RHOBTB1: variants seen among roughly 807,000 people sequenced by gnomAD.
RHOBTB1 encodes the protein rho-related BTB domain-containing protein 1.
A neutral mutation model predicts 71.6 loss-of-function variants in RHOBTB1; 40 were observed. The ratio of observed to expected loss-of-function variants is 0.56; its 90% CI spans 0.43 to 0.73. RHOBTB1 has a LOEUF of 0.73. Among genes scored for constraint, RHOBTB1 ranks in the 30% least tolerant of loss-of-function variants. RHOBTB1 has a pLI of 0.00. For missense variants in RHOBTB1, 797 were observed against 894.0 expected, an observed-to-expected ratio of 0.89 and a Z score of 1.38; for synonymous variants, 319 against 334.9, an observed-to-expected ratio of 0.95 and a Z score of 0.52.
At chr10:60,874,314 T>G (rs1048357574) in intron 9 of RHOBTB1, among the ~76,000 whole-genome samples, 2 of 152,236 alleles carry the variant, frequency 1.3e-5, no homozygotes, top group African/African-American at 4.8e-5. Context: ...GTGCTCGCTC[T>G]TGAACATTCT....
At chr10:60,985,430 G>A (rs1382260039) in intron 2 of RHOBTB1, among the ~76,000 whole-genome samples, 2 of 152,110 alleles carry the variant, frequency 1.3e-5, no homozygotes, top group African/African-American at 2.4e-5. Flanking sequence ...AAGGCATCTG[G>A]GAAAAAGAGA....
At chr10:60,949,075 A>G (rs988308103), upstream of RHOBTB1, among the ~76,000 whole-genome samples, 4 of 152,162 alleles carry the variant, frequency 2.6e-5, no homozygotes, top group African/African-American at 9.7e-5. Flanking sequence ...GACTGTTCTG[A>G]GGCTCTTCAT....
intron 2 of RHOBTB1, among the ~76,000 whole-genome samples, chr10:60,980,543 T>C (rs961814110): frequency 2.6e-5 from 4 of 151,760 alleles, no homozygotes; most frequent in Non-Finnish European, 4.4e-5. Context: ...GAGTTTTAAG[T>C]TGGGGAAACA....
In RHOBTB1 at chr10:60,871,418, C is replaced by T; in HGVS notation, c.*64G>A. The T allele has an allele frequency of 2.0e-6, 3 of 1,530,384 alleles. No homozygotes were observed. The African/African-American group carries it at 4.1e-5, about 21-fold the overall frequency. The allele number at this position is 1,530,384 out of a possible 1,614,324, so 94.8% of individuals were successfully genotyped here. A position where few individuals can be genotyped will look rare whatever the true frequency, so the allele number is the denominator to read the frequency against. ...TAACAAGACGAATTTTATAGTAGTGCTTTGAAAAGTGGTGGATCAGATTAC... is the reference window on the plus strand; with the variant it reads ...TAACAAGACGAATTTTATAGTAGTGTTTTGAAAAGTGGTGGATCAGATTAC... On this transcript the variant is annotated 3_prime_UTR_variant, in exon 11 of 11. Transcript: ENST00000337910.
chr10:60,966,508 T>TA (rs968459395), intron 2 of RHOBTB1, among the ~76,000 whole-genome samples: 134 of 142,234 alleles, frequency 9.4e-4, no homozygotes, highest in Non-Finnish European at 1.2e-3. Flanking sequence ...TATCTCTAAT[T>TA]AAAAAAAAAA....
intron 2 of RHOBTB1, among the ~76,000 whole-genome samples, chr10:60,917,238 C>T (rs1225638710): frequency 6.6e-6 from 1 of 152,208 alleles, no homozygotes; most frequent in African/African-American, 2.4e-5. Context: ...TTTATATACA[C>T]CTTTCCTTCT....
intron 7 of RHOBTB1, among the ~76,000 whole-genome samples, chr10:60,880,202 T>TGTGAGAGAGAGAGAGA (rs1418979791): frequency 7.9e-6 from 1 of 126,934 alleles, no homozygotes; most frequent in African/African-American, 3.1e-5. Flanking sequence ...TGTGTGTGTG[T>TGTGAGAGAGAGAGAGA]GAGAGAGAGA....
chr10:60,994,628 G>GAA (rs575608942), intron 1 of RHOBTB1, among the ~76,000 whole-genome samples: 4 of 151,254 alleles, frequency 2.6e-5, no homozygotes, highest in African/African-American at 4.9e-5. Flanking sequence ...ATATCCTCAG[G>GAA]AAAAAAAATG....
intron 2 of RHOBTB1, among the ~76,000 whole-genome samples, chr10:60,925,777 A>G (rs190390947): frequency 6.6e-6 from 1 of 152,364 alleles, no homozygotes; most frequent in Admixed American, 6.5e-5. Flanking sequence ...ACCATTATGT[A>G]TAACTATATG....
intron 4 of RHOBTB1, among the ~76,000 whole-genome samples, chr10:60,898,785 G>A (rs1412386762): frequency 6.6e-6 from 1 of 152,066 alleles, no homozygotes; most frequent in Non-Finnish European, 1.5e-5. Flanking sequence ...TTTTTTCCAA[G>A]CCCGTATCTG....
At chr10:60,985,243 CTG>C (rs2086623627) in intron 2 of RHOBTB1, among the ~76,000 whole-genome samples, 1 of 152,142 alleles carries the variant, frequency 6.6e-6, no homozygotes, top group Non-Finnish European at 1.5e-5. Flanking sequence ...GGAGAGTAAA[CTG>C]TCCATTTCAA....
chr10:60,874,985 C>A lies in RHOBTB1; in HGVS notation c.1784G>T (p.Gly595Val). Reference protein sequence around the residue: ...KAATSGVGIDGEVLSYLELAQ... With the variant: ...KAATSGVGIDVEVLSYLELAQ... ...CAATTCCAAGTAAGAGAGCACTTCT[C>A]CGTCAATGCCCACGCCACTCGTGGC... Residue 595 changes from glycine to valine, a missense_variant, in exon 9 of 11, where the codon GGA (glycine) becomes GTA (valine). Around this residue, in one of 2 missense-constraint regions of RHOBTB1, gnomAD observed 658 missense variants for 681.5 expected, o/e 0.97. Transcript: ENST00000337910. 1 of 1,614,128 alleles carries A rather than the reference C, an allele frequency of 6.2e-7. No individual in the cohort carries two copies. Among genetic ancestry groups the A allele is most frequent in the South Asian group, 1.1e-5 (1 of 91,080 alleles).
chr10:60,867,028 T>C (rs188060641), downstream of RHOBTB1, among the ~76,000 whole-genome samples: 245 of 152,298 alleles, frequency 1.6e-3, no homozygotes, highest in Non-Finnish European at 3.0e-3. Context: ...TGTGTTTCGC[T>C]TCCATTCACT....
intron 2 of RHOBTB1, among the ~76,000 whole-genome samples, chr10:60,929,261 A>C (rs1389727185): frequency 1.3e-5 from 2 of 152,192 alleles, no homozygotes; most frequent in Non-Finnish European, 2.9e-5. Context: ...GCAAAATATC[A>C]CATGTACCCC....
chr10:60,909,916 C>T (rs1373469612), intron 4 of RHOBTB1, among the ~76,000 whole-genome samples: 1 of 152,118 alleles, frequency 6.6e-6, no homozygotes, highest in Non-Finnish European at 1.5e-5. Context: ...TTATTTTAGG[C>T]CACTTAGATA....
chr10:60,895,406 T>A (rs201848680), intron 4 of RHOBTB1, among the ~76,000 whole-genome samples: 2 of 152,174 alleles, frequency 1.3e-5, no homozygotes, highest in Admixed American at 1.3e-4. Context: ...GATTATTTTT[T>A]ATTTATTTAT....
At chr10:60,919,525 G>A (rs1360781970) in intron 2 of RHOBTB1, among the ~76,000 whole-genome samples, 1 of 152,108 alleles carries the variant, frequency 6.6e-6, no homozygotes. Context: ...GGGCTGGGCT[G>A]GACTTCCCTG....
intron 2 of RHOBTB1, among the ~76,000 whole-genome samples, chr10:60,977,196 G>A (rs977800596): frequency 6.6e-6 from 1 of 151,962 alleles, no homozygotes; most frequent in Non-Finnish European, 1.5e-5. Flanking sequence ...AAGTGTATTA[G>A]CTGAGTCAGT....
intron 8 of RHOBTB1, among the ~76,000 whole-genome samples, chr10:60,876,416 A>T (rs2081055239): frequency 6.6e-6 from 1 of 152,210 alleles, no homozygotes; most frequent in Admixed American, 6.5e-5. Context: ...AAAAACTTTC[A>T]TGGAGAAATC....
Sources: gnomAD v4.1 joint callset for allele counts (sites outside exome capture counted in the v4.1 genomes callset) on GRCh38, gnomAD v4.1.1 for gene constraint, gnomAD v4.1.1 regional missense constraint, MANE v1.5 for transcripts, NCBI Gene and HGNC (gene_info 2026-07-23, HGNC 2026-07-21) for gene names.